TIMP3: variants seen among roughly 807,000 people sequenced by gnomAD.
TIMP3 encodes TIMP metallopeptidase inhibitor 3, also known as metalloproteinase inhibitor 3.
In TIMP3, 11 loss-of-function variants were observed where a neutral mutation model predicts 30.0. The ratio of observed to expected loss-of-function variants is 0.37; its 90% CI spans 0.23 to 0.61. The LOEUF is 0.61. Ranked by LOEUF, TIMP3 falls within the 20% of genes least tolerant of loss-of-function variation. TIMP3 has a pLI of 0.70. For synonymous variants in TIMP3, 112 were observed against 111.3 expected, an observed-to-expected ratio of 1.01 and a Z score of -0.04; for missense variants, 181 against 276.8, an observed-to-expected ratio of 0.65 and a Z score of 2.45.
chr22:32,846,840 A>G (rs776807271), intron 1 of TIMP3, among the ~76,000 whole-genome samples: 2 of 152,228 alleles, frequency 1.3e-5, no homozygotes, highest in Non-Finnish European at 2.9e-5. Flanking sequence ...CCAAACTTCA[A>G]TGCAGCTTCC....
At chr22:32,840,284 G>T (rs1393831917) in intron 1 of TIMP3, among the ~76,000 whole-genome samples, 3 of 152,176 alleles carry the variant, frequency 2.0e-5, no homozygotes, top group African/African-American at 4.8e-5. Context: ...TTAACGGAAA[G>T]AGTTAGTCAG....
intron 1 of TIMP3, among the ~76,000 whole-genome samples, chr22:32,804,791 G>C (rs2046682071): frequency 6.6e-6 from 1 of 152,188 alleles, no homozygotes. Flanking sequence ...CGGCTTATAA[G>C]ACACACTGTG....
chr22:32,818,190 G>A (rs80266595), intron 1 of TIMP3, among the ~76,000 whole-genome samples: 1,704 of 152,300 alleles, frequency 0.011, 33 homozygotes, highest in African/African-American at 0.038. Context: ...TGCTCAGAGC[G>A]TTTTGGTGAA....
chr22:32,825,398 C>T (rs189459306), intron 1 of TIMP3, among the ~76,000 whole-genome samples: 4 of 152,154 alleles, frequency 2.6e-5, no homozygotes, highest in East Asian at 3.9e-4. Context: ...CGGTGGCTCA[C>T]GCCTGTAATC....
At chr22:32,805,719 C>A (rs2145952617) in intron 1 of TIMP3, among the ~76,000 whole-genome samples, 1 of 150,790 alleles carries the variant, frequency 6.6e-6, no homozygotes, top group East Asian at 2.0e-4. Flanking sequence ...TTGTCCAAGG[C>A]CACCCAGTTG....
chr22:32,856,350 G>A (rs1381370673), intron 2 of TIMP3, among the ~76,000 whole-genome samples: 1 of 152,058 alleles, frequency 6.6e-6, no homozygotes, highest in African/African-American at 2.4e-5. Flanking sequence ...AGGTTTCTCT[G>A]GGAAGGCACC....
intron 1 of TIMP3, among the ~76,000 whole-genome samples, chr22:32,840,681 C>T (rs2047873361): frequency 6.6e-6 from 1 of 152,140 alleles, no homozygotes; most frequent in Non-Finnish European, 1.5e-5. Context: ...ACTTCTTCCT[C>T]CTCTGGATTC....
At chr22:32,830,892 C>T (rs569752056) in intron 1 of TIMP3, among the ~76,000 whole-genome samples, 23 of 152,254 alleles carry the variant, frequency 1.5e-4, no homozygotes, top group African/African-American at 4.8e-4. Flanking sequence ...CAGAACACCG[C>T]GATCTGCTGG....
intron 1 of TIMP3, among the ~76,000 whole-genome samples, chr22:32,849,191 C>T (rs2048150841): frequency 6.6e-6 from 1 of 152,170 alleles, no homozygotes; most frequent in African/African-American, 2.4e-5. Flanking sequence ...CGGGGGTTGA[C>T]TATAGCCTTG....
At chr22:32,849,244 C>A (rs2048151961) in intron 1 of TIMP3, among the ~76,000 whole-genome samples, 1 of 152,152 alleles carries the variant, frequency 6.6e-6, no homozygotes, top group Non-Finnish European at 1.5e-5. Context: ...GGGTAATTAA[C>A]TTGAATGGTG....
At chr22:32,828,056 C>T (rs910183707) in intron 1 of TIMP3, among the ~76,000 whole-genome samples, 2 of 152,224 alleles carry the variant, frequency 1.3e-5, no homozygotes, top group African/African-American at 2.4e-5. Flanking sequence ...ATTCCTCCTC[C>T]GTTACTTAGG....
At chr22:32,835,006 A>G (rs114761866) in intron 1 of TIMP3, among the ~76,000 whole-genome samples, 6 of 152,344 alleles carry the variant, frequency 3.9e-5, no homozygotes, top group African/African-American at 1.4e-4. Context: ...CCGACCTGTC[A>G]GTCTTGGTCT....
chr22:32,859,059 G>A (rs1319787494), intron 4 of TIMP3, 121 bp from the exon 5 acceptor site: 1 of 869,446 alleles, frequency 1.2e-6, no homozygotes, highest in South Asian at 1.4e-5. Context: ...TGATCACTGA[G>A]GGACTGATGT....
intron 1 of TIMP3, among the ~76,000 whole-genome samples, chr22:32,848,530 T>C (rs1256425508): frequency 6.6e-6 from 1 of 152,182 alleles, no homozygotes; most frequent in Non-Finnish European, 1.5e-5. Context: ...AGGTGTGCAA[T>C]AAATGGGAGC....
At chr22:32,835,589 G>C (rs747351444) in intron 1 of TIMP3, among the ~76,000 whole-genome samples, 1 of 152,158 alleles carries the variant, frequency 6.6e-6, no homozygotes, top group South Asian at 2.1e-4. Context: ...AGATAGAATG[G>C]TATGTGCAAA....
intron 1 of TIMP3, among the ~76,000 whole-genome samples, chr22:32,805,555 G>A (rs2046708962): frequency 6.6e-6 from 1 of 152,124 alleles, no homozygotes; most frequent in South Asian, 2.1e-4. Context: ...TCCAGCTGGA[G>A]GAGGGAAGAG....
intron 1 of TIMP3, among the ~76,000 whole-genome samples, chr22:32,823,284 G>A (rs1177842320): frequency 6.6e-6 from 1 of 152,160 alleles, no homozygotes; most frequent in Non-Finnish European, 1.5e-5. Flanking sequence ...CGGACCTGAC[G>A]CTGGAAATCC....
intron 1 of TIMP3, among the ~76,000 whole-genome samples, chr22:32,847,920 CT>C (rs569960159): frequency 1.4e-3 from 220 of 152,366 alleles, no homozygotes; most frequent in Admixed American, 3.2e-3. Context: ...ATCACACCCC[CT>C]GATAGAGGCA....
chr22:32,826,788 C>T (rs1192146540), intron 1 of TIMP3, among the ~76,000 whole-genome samples: 1 of 152,196 alleles, frequency 6.6e-6, no homozygotes, highest in Non-Finnish European at 1.5e-5. Flanking sequence ...GCCTGCCACT[C>T]AGGAGTTCAT....
Sources: allele counts gnomAD v4.1 joint callset (sites outside exome capture counted in the v4.1 genomes callset), GRCh38; gene constraint gnomAD v4.1.1; transcripts MANE v1.5; gene names NCBI Gene and HGNC (gene_info 2026-07-23, HGNC 2026-07-21).